The following NRIP1 variants were observed in gnomAD, a reference collection of about 807,000 sequenced individuals.
NRIP1 encodes nuclear receptor interacting protein 1.
In NRIP1, 28 loss-of-function variants were observed where a neutral mutation model predicts 75.0. That is an observed-to-expected ratio of 0.37 (90% CI 0.28 to 0.51). NRIP1 has a LOEUF of 0.51. Ranked by LOEUF, NRIP1 falls within the 20% of genes least tolerant of loss-of-function variation. The pLI is 0.92. For missense variants in NRIP1, 1,435 were observed against 1,343.7 expected (o/e 1.07, Z -1.06); for synonymous variants, 526 against 487.6 (o/e 1.08, Z -1.04).
intron 3 of NRIP1, among the ~76,000 whole-genome samples, chr21:14,994,952 G>A (rs977872222): frequency 6.6e-6 from 1 of 152,138 alleles, no homozygotes; most frequent in Non-Finnish European, 1.5e-5. Context: ...ACACTCACCT[G>A]CCTTGTATTT....
chr21:15,026,387 C>G (rs1187333951), intron 2 of NRIP1, among the ~76,000 whole-genome samples: 1 of 152,116 alleles, frequency 6.6e-6, no homozygotes, highest in Non-Finnish European at 1.5e-5. Flanking sequence ...TCTGACAATT[C>G]TTAGATCTGA....
chr21:15,015,558 A>G (rs1368231221), intron 2 of NRIP1, among the ~76,000 whole-genome samples: 1 of 152,218 alleles, frequency 6.6e-6, no homozygotes, highest in Admixed American at 6.5e-5. Context: ...ATATTTGTGC[A>G]GTACATTGTA....
intron 3 of NRIP1, among the ~76,000 whole-genome samples, chr21:14,972,290 A>G (rs576350497): frequency 1.3e-5 from 2 of 152,278 alleles, no homozygotes; most frequent in Non-Finnish European, 2.9e-5. Flanking sequence ...ACCTTTCCCA[A>G]TCCTTGCCTT....
chr21:14,992,808 C>T (rs1288087395), intron 3 of NRIP1: 1 of 152,150 alleles, frequency 6.6e-6, no homozygotes, highest in African/African-American at 2.4e-5. Flanking sequence ...CTGGCTGTCC[C>T]ATATGTTCAG....
chr21:15,030,349 G>T (rs2088615188), intron 2 of NRIP1, among the ~76,000 whole-genome samples: 1 of 152,202 alleles, frequency 6.6e-6, no homozygotes, highest in Admixed American at 6.5e-5. Flanking sequence ...ACACAGAAAA[G>T]TTTTTACGAA....
At chr21:15,017,305 G>A (rs971660577) in intron 2 of NRIP1, among the ~76,000 whole-genome samples, 31 of 152,036 alleles carry the variant, frequency 2.0e-4, no homozygotes, top group African/African-American at 6.3e-4. Context: ...TGATCCTCCC[G>A]ACTCAACCTC....
chr21:15,007,220 T>C (rs1029505688), intron 3 of NRIP1, among the ~76,000 whole-genome samples: 2 of 152,114 alleles, frequency 1.3e-5, no homozygotes, highest in African/African-American at 2.4e-5. Context: ...AACCAGAAGC[T>C]ATGGGAGTTG....
At chr21:14,983,431 G>A (rs185823208) in intron 3 of NRIP1, among the ~76,000 whole-genome samples, 12 of 152,232 alleles carry the variant, frequency 7.9e-5, no homozygotes, top group African/African-American at 2.6e-4. Context: ...GTGAGGAAGC[G>A]GCAGAGGTGG....
chr21:15,031,088 C>T (rs1478696275), intron 2 of NRIP1, among the ~76,000 whole-genome samples: 43 of 45,198 alleles, frequency 9.5e-4, no homozygotes, highest in African/African-American at 2.5e-3. Context: ...CTCTGGAAGG[C>T]GCTCGGAGGA....
At chr21:14,974,876 G>C (rs972767015) in intron 3 of NRIP1, among the ~76,000 whole-genome samples, 4 of 152,128 alleles carry the variant, frequency 2.6e-5, no homozygotes, top group Non-Finnish European at 1.5e-5. Context: ...CAGAGGCTGA[G>C]GCAGGATGAA....
chr21:15,056,403 A>G (rs1050929106), intron 1 of NRIP1, among the ~76,000 whole-genome samples: 2 of 152,204 alleles, frequency 1.3e-5, no homozygotes, highest in Non-Finnish European at 1.5e-5. Flanking sequence ...TGCCACAATA[A>G]TAGCAAACAT....
chr21:14,988,202 GAAT>G (rs1364060264), intron 3 of NRIP1: 1 of 152,068 alleles, frequency 6.6e-6, no homozygotes, highest in Non-Finnish European at 1.5e-5. Context: ...GCTGTAAAAG[GAAT>G]AATAATAGTA....
rs767730297 is a variant in NRIP1, at chr21:14,967,144, A to G, written c.1049T>C (p.Met350Thr). 1.9e-6 allele frequency: 3 copies of G among 1,614,110 alleles called. No homozygotes were observed. Among genetic ancestry groups the G allele is most frequent in the South Asian group, 1.1e-5 (1 of 91,086 alleles). ...KSSATVFQNPMGIIPSSPKNA... is the reference protein window; with the variant it reads ...KSSATVFQNPTGIIPSSPKNA... ...TTTAGGGGAAGAAGGAATGATACCC[A>G]TTGGATTTTGAAACACTGTAGCACT... is the stretch of plus-strand genomic sequence containing the variant. Residue 350 changes from methionine (M) to threonine (T), a missense_variant, in exon 4 of 4, where the codon ATG becomes ACG. Physicochemically the swap from Met to Thr is moderately conservative, Grantham distance 81. Coordinates refer to ENST00000318948, the MANE Select transcript of NRIP1 (RefSeq NM_003489.4).
intron 1 of NRIP1, among the ~76,000 whole-genome samples, chr21:15,047,075 C>A (rs139656141): frequency 6.6e-6 from 1 of 152,212 alleles, no homozygotes; most frequent in Non-Finnish European, 1.5e-5. Flanking sequence ...AAAAAATGCC[C>A]GAGACTGGGT....
intron 1 of NRIP1, among the ~76,000 whole-genome samples, chr21:15,062,215 A>C (rs993007661): frequency 1.3e-5 from 2 of 152,274 alleles, no homozygotes; most frequent in African/African-American, 4.8e-5. Context: ...CTCATTTAAT[A>C]GACTGCTTTA....
Position 15,064,960 on chromosome 21 carries a change from C to A in NRIP1, c.-753G>T. Reference sequence around the variant, plus strand: ...TCCCTGCGCCTCGCCGCCGCCTCCTCCGCCGCCGCCTCCCGAGTTCGGGGC... The same window carrying A: ...TCCCTGCGCCTCGCCGCCGCCTCCTACGCCGCCGCCTCCCGAGTTCGGGGC... On this transcript the variant is annotated 5_prime_UTR_variant, in exon 1 of 4. Coordinates refer to ENST00000318948, the MANE Select transcript of NRIP1 (RefSeq NM_003489.4). The A allele has an allele frequency of 6.6e-6, 1 of 151,376 alleles. No homozygotes were observed. The highest frequency in any genetic ancestry group is 1.8e-4 in the South Asian group (1 of 5,408). 9.4% of individuals were successfully genotyped at this position (151,376 alleles called of 1,614,324 possible).
chr21:14,973,872 T>C (rs575608703), intron 3 of NRIP1, among the ~76,000 whole-genome samples: 487 of 144,724 alleles, frequency 3.4e-3, no homozygotes, highest in Non-Finnish European at 5.8e-3. Flanking sequence ...CCTGTGGAGA[T>C]GGGGATCTCA....
In NRIP1 at chr21:14,968,105, C is replaced by T; in HGVS notation, c.88G>A (p.Ala30Thr). 1.2e-6 allele frequency: 2 copies of T among 1,614,086 alleles called. No individual in the cohort carries two copies. The highest frequency in any genetic ancestry group is 1.7e-6 in the Non-Finnish European group (2 of 1,180,000). The change falls in exon 4 of 4, where the codon GCA becomes ACA. Residue 30 changes from alanine (A) to threonine (T), a missense_variant. Physicochemically the swap from Ala to Thr is moderately conservative, Grantham distance 58. Transcript: ENST00000318948. ...TCAACGGCAGTACCTGATCCCCCTGCTGCCTGATGCATTAGTAATCCTTCT... is the reference window on the plus strand; with the variant it reads ...TCAACGGCAGTACCTGATCCCCCTGTTGCCTGATGCATTAGTAATCCTTCT... The part of the protein sequence containing the change: ...YLEGLLMHQA[A>T]GGSGTAVDKK...
chr21:15,007,788 G>C (rs966322694), intron 3 of NRIP1, among the ~76,000 whole-genome samples: 1 of 152,148 alleles, frequency 6.6e-6, no homozygotes, highest in African/African-American at 2.4e-5. Flanking sequence ...AACATTTCTT[G>C]AGTCCCGACT....
Sources: gnomAD v4.1 joint callset for allele counts (sites outside exome capture counted in the v4.1 genomes callset) on GRCh38, gnomAD v4.1.1 for gene constraint, MANE v1.5 for transcripts, NCBI Gene and HGNC (gene_info 2026-07-23, HGNC 2026-07-21) for gene names.